RCAN1: variants seen among roughly 807,000 people sequenced by gnomAD.
RCAN1 encodes the protein calcipressin-1.
In RCAN1, 11 loss-of-function variants were observed where a neutral mutation model predicts 22.9. The observed-to-expected ratio is 0.48, with a 90% CI of 0.30 to 0.79. RCAN1 has a LOEUF of 0.79. Ranked by LOEUF, RCAN1 falls within the 30% of genes least tolerant of loss-of-function variation. RCAN1 has a pLI of 0.06. For synonymous variants in RCAN1, 136 were observed against 142.3 expected (o/e 0.96, Z 0.32); for missense variants, 291 against 337.8 (o/e 0.86, Z 1.09).
At chr21:34,595,244 T>C (rs1988108531) in intron 1 of RCAN1, among the ~76,000 whole-genome samples, 1 of 152,142 alleles carries the variant, frequency 6.6e-6, no homozygotes, top group African/African-American at 2.4e-5. Flanking sequence ...AGAGTGGGTG[T>C]GGCATAAATG....
chr21:34,597,618 A>G (rs1387348761), intron 1 of RCAN1, among the ~76,000 whole-genome samples: 1 of 152,218 alleles, frequency 6.6e-6, no homozygotes, highest in Non-Finnish European at 1.5e-5. Context: ...ATAAAATACC[A>G]TATTGCCACA....
At chr21:34,541,015 A>G (rs1165010520) in intron 1 of RCAN1, among the ~76,000 whole-genome samples, 1 of 152,168 alleles carries the variant, frequency 6.6e-6, no homozygotes, top group Non-Finnish European at 1.5e-5. Context: ...AGTGAAATCA[A>G]TCAAGAAATA....
intron 1 of RCAN1, among the ~76,000 whole-genome samples, chr21:34,596,478 G>A (rs914890506): frequency 2.6e-5 from 4 of 152,154 alleles, no homozygotes; most frequent in Admixed American, 6.5e-5. Flanking sequence ...CTGCATGACC[G>A]AGAAAGCCTC....
intron 1 of RCAN1, among the ~76,000 whole-genome samples, chr21:34,552,163 C>T (rs551994167): frequency 2.0e-5 from 3 of 152,130 alleles, no homozygotes; most frequent in Non-Finnish European, 2.9e-5. Flanking sequence ...GTTAGAGGCA[C>T]GATACCCTTT....
Position 34,614,913 on chromosome 21 carries a change from G to T in RCAN1, c.99C>A (p.Phe33Leu). 1 of 1,417,954 alleles carries T rather than the reference G, an allele frequency of 7.1e-7. No individual in the cohort carries two copies. The highest frequency in any genetic ancestry group is 1.3e-5 in the South Asian group (1 of 77,704). 87.8% of individuals were successfully genotyped at this position (1,417,954 alleles called of 1,614,324 possible). A position where few individuals can be genotyped will look rare whatever the true frequency, so the allele number is the denominator to read the frequency against. The change falls in exon 1 of 4, where the codon TTC (phenylalanine) becomes TTA (leucine). Residue 33 changes from phenylalanine to leucine, a missense_variant. Transcript: ENST00000313806. This position sits in a 1 kb window ranked among gnomAD's most constrained non-coding sequence, Gnocchi z 6.0. ...RARPGVTLRPFAPLSGAAEAD... is the reference protein window; with the variant it reads ...RARPGVTLRPLAPLSGAAEAD... ...CCTCGGCCGCCCCCGAGAGGGGCGC[G>T]AAGGGCCGCAGCGTCACCCCGGGCC...
intron 1 of RCAN1, among the ~76,000 whole-genome samples, chr21:34,601,611 G>A (rs993943297): frequency 4.6e-5 from 7 of 152,180 alleles, no homozygotes; most frequent in Non-Finnish European, 7.4e-5. Flanking sequence ...GAGGTCAGGA[G>A]ATCGAGATCA....
At chr21:34,602,525 G>C (rs939102563) in intron 1 of RCAN1, among the ~76,000 whole-genome samples, 1 of 152,184 alleles carries the variant, frequency 6.6e-6, no homozygotes, top group African/African-American at 2.4e-5. Flanking sequence ...TTTTCTGAAG[G>C]GTGGTCTGTT....
At position 34,614,400 on chromosome 21, in the gene RCAN1, C is replaced by A; in HGVS notation, c.252+360G>T. ...CCTCCTCCCTAGGAATGAGGTGACC[C>A]CCTCCTCCAGCGAGTAAATGCGGGG... On this transcript the variant is annotated intron_variant, in intron 1 of 3. Coordinates refer to ENST00000313806, the MANE Select transcript of RCAN1 (RefSeq NM_004414.7). The surrounding 1 kb of genome is among the most constrained non-coding windows in gnomAD (Gnocchi z 6.0). 2 of 997,758 alleles carry A rather than the reference C, an allele frequency of 2.0e-6. No homozygotes were observed. Among genetic ancestry groups the A allele is most frequent in the Admixed American group, 6.0e-5 (1 of 16,634 alleles). The allele number at this position is 997,758 out of a possible 1,614,324, so 61.8% of individuals were successfully genotyped here.
At chr21:34,577,846 C>T (rs374004747) in intron 1 of RCAN1, among the ~76,000 whole-genome samples, 7 of 152,092 alleles carry the variant, frequency 4.6e-5, no homozygotes, top group African/African-American at 1.7e-4. Context: ...AGGGAAGGTG[C>T]CAACAATATC....
chr21:34,562,523 A>T (rs1205271143), intron 1 of RCAN1, among the ~76,000 whole-genome samples: 1 of 152,160 alleles, frequency 6.6e-6, no homozygotes, highest in Non-Finnish European at 1.5e-5. Flanking sequence ...CCCTCTTCCC[A>T]AGGTGCTCTC....
At position 34,517,717 on chromosome 21, in the gene RCAN1, A is replaced by G. The variant is rs1204893160; in HGVS notation, c.*367T>C. The G allele has an allele frequency of 5.2e-6, 1 of 193,328 alleles. No homozygotes were observed. The highest frequency in any genetic ancestry group is 1.1e-5 in the Non-Finnish European group (1 of 94,978). 12.0% of individuals were successfully genotyped at this position (193,328 alleles called of 1,614,324 possible). On this transcript the variant is annotated 3_prime_UTR_variant, in exon 4 of 4. Transcript: ENST00000313806. ...AGAGAGTGGCCCCTGCAGGCCACTTAGAAACAGGAAGCTCTCTCCTGAGCT... is the reference window on the plus strand; with the variant it reads ...AGAGAGTGGCCCCTGCAGGCCACTTGGAAACAGGAAGCTCTCTCCTGAGCT...
In RCAN1 at chr21:34,614,308, G is replaced by A; in HGVS notation, c.252+452C>T. 1.0e-6 allele frequency: 1 copy of A among 990,818 alleles called. No homozygotes were observed. The highest frequency in any genetic ancestry group is 1.2e-6 in the Non-Finnish European group (1 of 833,758). 61.4% of individuals were successfully genotyped at this position (990,818 alleles called of 1,614,324 possible). A position where few individuals can be genotyped will look rare whatever the true frequency, so the allele number is the denominator to read the frequency against. On this transcript the variant is annotated intron_variant, in intron 1 of 3. Transcript: ENST00000313806. This position sits in a 1 kb window ranked among gnomAD's most constrained non-coding sequence, Gnocchi z 6.0. ...CATTGGCTTTTCTTCCAATAGTGCA[G>A]ATTGGGAATGCAGGGACGTCGTCCT...
At chr21:34,604,870 T>C (rs547939015) in intron 1 of RCAN1, among the ~76,000 whole-genome samples, 58 of 152,310 alleles carry the variant, frequency 3.8e-4, no homozygotes, top group Admixed American at 3.7e-3. Context: ...AAGGTATTTG[T>C]TGAATAAATG....
chr21:34,598,070 A>G (rs983194808), intron 1 of RCAN1, among the ~76,000 whole-genome samples: 2 of 152,230 alleles, frequency 1.3e-5, no homozygotes, highest in African/African-American at 4.8e-5. Flanking sequence ...ACACCACAGG[A>G]ACCTAGGATG....
chr21:34,605,369 T>C (rs1456205664), intron 1 of RCAN1, among the ~76,000 whole-genome samples: 1 of 152,210 alleles, frequency 6.6e-6, no homozygotes. Context: ...GACCTCACCT[T>C]GGGATTGTGT....
At chr21:34,563,003 GA>G (rs1807048241) in intron 1 of RCAN1, among the ~76,000 whole-genome samples, 1 of 152,136 alleles carries the variant, frequency 6.6e-6, no homozygotes, top group African/African-American at 2.4e-5. Flanking sequence ...ACAGAACAGG[GA>G]CTCTTCCATA....
chr21:34,570,942 A>G (rs923513179), intron 1 of RCAN1, among the ~76,000 whole-genome samples: 6 of 152,198 alleles, frequency 3.9e-5, no homozygotes, highest in African/African-American at 1.4e-4. Flanking sequence ...ACAAAAATTA[A>G]CCATGATGAA....
At chr21:34,525,317 CT>C in intron 1 of RCAN1, 1 of 1,532,242 alleles carries the variant, frequency 6.5e-7, no homozygotes, top group African/African-American at 1.4e-5. Context: ...CATTCCCCGG[CT>C]TTTCTTCAGT....
intron 1 of RCAN1, among the ~76,000 whole-genome samples, chr21:34,604,288 G>A (rs892785401): frequency 1.3e-5 from 2 of 151,916 alleles, no homozygotes; most frequent in South Asian, 4.1e-4. Flanking sequence ...CCACCACTAC[G>A]CCCGGCTAAT....
Sources: gnomAD v4.1 joint callset for allele counts (sites outside exome capture counted in the v4.1 genomes callset) on GRCh38, gnomAD v4.1.1 for gene constraint, Gnocchi (gnomAD v3.1) non-coding constraint, MANE v1.5 for transcripts, NCBI Gene and HGNC (gene_info 2026-07-23, HGNC 2026-07-21) for gene names.